ZBTB43: variants seen among roughly 807,000 people sequenced by gnomAD.
ZBTB43 encodes zinc finger and BTB domain containing 43, also known as zinc finger and BTB domain-containing protein 43.
ZBTB43 carries 6 observed loss-of-function variants against 31.1 expected under a neutral mutation model. That is an observed-to-expected ratio of 0.19 (90% CI 0.11 to 0.38). The LOEUF (loss-of-function observed/expected upper bound fraction) is 0.38, where lower values mean the gene tolerates loss of function less well. Among genes scored for constraint, ZBTB43 ranks in the 10% least tolerant of loss-of-function variants. The pLI is 1.00. For missense variants in ZBTB43, 379 were observed against 602.1 expected (o/e 0.63, Z 3.88); for synonymous variants, 212 against 221.7 (o/e 0.96, Z 0.39).
rs761281847 is a variant in ZBTB43 at position 126,832,953 on chromosome 9, T to C, written c.444T>C (p.Tyr148=). Residue 148 remains tyrosine, a synonymous_variant, in exon 3 of 3, where the codon TAT becomes TAC. Transcript: ENST00000373464. The part of the protein sequence containing the change: ...SDHQSPSSSS[Y]NGLVESFELG... ...ACCAGTCACCAAGCAGCAGTAGTTA[T>C]AATGGCCTGGTAGAGAGCTTTGAGC... is the stretch of plus-strand genomic sequence containing the variant. 6 of 1,613,690 alleles carry C rather than the reference T, an allele frequency of 3.7e-6. No individual in the cohort carries two copies. Among genetic ancestry groups the C allele is most frequent in the East Asian group, 2.2e-5 (1 of 44,874 alleles).
At chr9:126,824,259 A>T (rs2032581610) in intron 2 of ZBTB43, among the ~76,000 whole-genome samples, 1 of 152,234 alleles carries the variant, frequency 6.6e-6, no homozygotes, top group Admixed American at 6.5e-5. Flanking sequence ...CTTCTGACTC[A>T]AATGATCCAC....
At chr9:126,827,832 A>T (rs2032676385) in intron 2 of ZBTB43, among the ~76,000 whole-genome samples, 1 of 151,624 alleles carries the variant, frequency 6.6e-6, no homozygotes, top group East Asian at 2.0e-4. Flanking sequence ...ACATGGTGAA[A>T]CCCCATCTAC....
intron 2 of ZBTB43, among the ~76,000 whole-genome samples, chr9:126,819,237 T>C (rs1588358674): frequency 2.0e-5 from 3 of 151,680 alleles, no homozygotes; most frequent in Admixed American, 2.0e-4. Flanking sequence ...GGCTGACATG[T>C]CCTATACAGG....
intron 2 of ZBTB43, among the ~76,000 whole-genome samples, chr9:126,818,094 A>T (rs1464115290): frequency 1.4e-5 from 2 of 147,352 alleles, no homozygotes; most frequent in African/African-American, 4.9e-5. Context: ...TTATTTCAGC[A>T]GTGTTTTGTA....
At chr9:126,824,389 C>T (rs2119147160) in intron 2 of ZBTB43, among the ~76,000 whole-genome samples, 1 of 152,242 alleles carries the variant, frequency 6.6e-6, no homozygotes, top group Non-Finnish European at 1.5e-5. Context: ...TTTTATGTGG[C>T]TTTTCATTGT....
rs2032827974 is a variant in ZBTB43, at chr9:126,834,026, AAAAG to A, written c.*114_*117del. On this transcript the variant is annotated 3_prime_UTR_variant, in exon 3 of 3. Transcript: ENST00000373464. The stretch of plus-strand genomic sequence containing the variant: ...CTATTATGAGAGAAGCTTAAAAAAA[AAAAG>A]GAAGATATTTCTGAAAGACCAGCTC... 2 of 1,204,216 alleles carry A rather than the reference AAAAG, an allele frequency of 1.7e-6. No homozygotes were observed. The highest frequency in any genetic ancestry group is 1.5e-5 in the African/African-American group (1 of 65,892). The allele number at this position is 1,204,216 out of a possible 1,614,324, so 74.6% of individuals were successfully genotyped here.
intron 1 of ZBTB43, among the ~76,000 whole-genome samples, chr9:126,808,341 G>GT (rs2032172160): frequency 6.6e-6 from 1 of 152,010 alleles, no homozygotes; most frequent in Admixed American, 6.6e-5. Context: ...CAGGTGGCTT[G>GT]TTTTTTTAAA....
chr9:126,809,716 A>C (rs1220718764), intron 2 of ZBTB43, among the ~76,000 whole-genome samples: 1 of 152,226 alleles, frequency 6.6e-6, no homozygotes, highest in African/African-American at 2.4e-5. Context: ...TCTGCGTTAA[A>C]AAAAGCCAAA....
chr9:126,816,550 G>T (rs921426392), intron 2 of ZBTB43, among the ~76,000 whole-genome samples: 1 of 152,032 alleles, frequency 6.6e-6, no homozygotes, highest in South Asian at 2.1e-4. Context: ...GACCTGTGTT[G>T]GTTTTATTTT....
At position 126,833,519 on chromosome 9, in the gene ZBTB43, A is replaced by T; in HGVS notation, c.1010A>T (p.His337Leu). 2 of 1,614,212 alleles carry T rather than the reference A, an allele frequency of 1.2e-6. No individual in the cohort carries two copies. Among genetic ancestry groups the T allele is most frequent in the South Asian group, 2.2e-5 (2 of 91,082 alleles). ...AGGTCAGATGGGAATCTAATTGGGC[A>T]CAGACAGGAGGCTGCCCTCGCAGCA... ...GERSDGNLIG[H>L]RQEAALAAGY... Residue 337 changes from histidine to leucine, a missense_variant, in exon 3 of 3, where the codon CAC becomes CTC. Physicochemically the swap from His to Leu is moderately conservative, Grantham distance 99. Transcript: ENST00000373464. This position sits in a 1 kb window ranked among gnomAD's most constrained non-coding sequence, Gnocchi z 7.9.
intron 2 of ZBTB43, among the ~76,000 whole-genome samples, chr9:126,813,307 C>T (rs1018594528): frequency 2.2e-4 from 34 of 152,254 alleles, no homozygotes; most frequent in African/African-American, 7.5e-4. Flanking sequence ...ACTACCTAGA[C>T]TACACTTATT....
intron 1 of ZBTB43, among the ~76,000 whole-genome samples, chr9:126,807,147 T>C (rs1588348885): frequency 6.6e-6 from 1 of 152,254 alleles, no homozygotes; most frequent in African/African-American, 2.4e-5. Flanking sequence ...ACTGAATTAC[T>C]ACTTTATTTA....
At chr9:126,825,838 TTA>T in intron 2 of ZBTB43, among the ~76,000 whole-genome samples, 3 of 137,104 alleles carry the variant, frequency 2.2e-5, no homozygotes, top group African/African-American at 8.2e-5. Context: ...TGGTTCCTTT[TTA>T]TATTTTTTTT....
intron 2 of ZBTB43, among the ~76,000 whole-genome samples, chr9:126,815,642 G>C: frequency 7.8e-6 from 1 of 129,018 alleles, no homozygotes; most frequent in East Asian, 2.1e-4. Context: ...TTTTATTTGG[G>C]TCTCTCTCTC....
In ZBTB43 at chr9:126,809,983, G is replaced by A. The variant is rs148064660; in HGVS notation, c.-24+1068G>A. On this transcript the variant is annotated intron_variant, in intron 2 of 2. Transcript: ENST00000373464. The stretch of plus-strand genomic sequence containing the variant: ...CAGAGTAGCTGGGATTACAGGTGCC[G>A]GCCACCACACCCGGCTAATTTTTTT... Among the ~76,000 whole-genome samples the A allele has an allele frequency of 4.6e-3, 700 of 150,914 alleles. 6 individuals are homozygous for A. Among genetic ancestry groups the A allele is most frequent in the African/African-American group, 0.016 (675 of 41,050 alleles).
upstream of ZBTB43, among the ~76,000 whole-genome samples, chr9:126,804,200 A>T (rs2032074046): frequency 6.6e-6 from 1 of 152,010 alleles, no homozygotes. Flanking sequence ...GGGCGAGAAG[A>T]GGTATGGAGG....
chr9:126,810,900 C>T (rs762933416), intron 2 of ZBTB43, among the ~76,000 whole-genome samples: 2 of 151,748 alleles, frequency 1.3e-5, no homozygotes, highest in Non-Finnish European at 2.9e-5. Context: ...ATGATATTCA[C>T]GTTTACTTTC....
At chr9:126,832,410 G>A (rs1389264989) in intron 2 of ZBTB43, 77 bp from the exon 3 acceptor site, 8 of 1,372,116 alleles carry the variant, frequency 5.8e-6, no homozygotes, top group Non-Finnish European at 7.9e-6. Flanking sequence ...TTTGGAACTT[G>A]TCTTAACAAT....
At chr9:126,814,985 C>A (rs1222829981) in intron 2 of ZBTB43, among the ~76,000 whole-genome samples, 1 of 138,780 alleles carries the variant, frequency 7.2e-6, no homozygotes, top group African/African-American at 2.7e-5. Context: ...TTTTTTTTGT[C>A]TGGCTGCTTT....
Sources: gnomAD v4.1 joint callset for allele counts (sites outside exome capture counted in the v4.1 genomes callset) on GRCh38, gnomAD v4.1.1 for gene constraint, Gnocchi (gnomAD v3.1) non-coding constraint, MANE v1.5 for transcripts, NCBI Gene and HGNC (gene_info 2026-07-23, HGNC 2026-07-21) for gene names.